Variants in ZPLD1 observed in about 807,000 individuals in gnomAD.
The protein encoded by ZPLD1 is zona pellucida-like domain-containing protein 1.
A neutral mutation model predicts 47.2 loss-of-function variants in ZPLD1; 34 were observed. The observed-to-expected ratio is 0.72, with a 90% CI of 0.55 to 0.96. The LOEUF is 0.96. ZPLD1 is among the 40% of genes least tolerant of loss of function. The probability of loss-of-function intolerance (pLI) is 0.00; values close to 1 mark genes in which losing one functional copy is unlikely to be tolerated. For synonymous variants in ZPLD1, 176 were observed against 186.2 expected (o/e 0.95, Z 0.45); for missense variants, 512 against 505.8 (o/e 1.01, Z -0.12).
chr3:102,386,435 T>C (rs920947372), intron 6 of ZPLD1, among the ~76,000 whole-genome samples: 1 of 152,174 alleles, frequency 6.6e-6, no homozygotes, highest in Admixed American at 6.5e-5. Context: ...TTTAATTCTT[T>C]CATCACAGGC....
At chr3:102,406,346 C>G (rs1409368840) in intron 7 of ZPLD1, among the ~76,000 whole-genome samples, 2 of 151,908 alleles carry the variant, frequency 1.3e-5, no homozygotes, top group Non-Finnish European at 2.9e-5. Context: ...ACAAGTTACC[C>G]TCATCTCAAC....
intron 4 of ZPLD1, among the ~76,000 whole-genome samples, chr3:102,455,890 G>A (rs1707405559): frequency 6.6e-6 from 1 of 152,182 alleles, no homozygotes; most frequent in South Asian, 2.1e-4. Flanking sequence ...AGCCATGCCA[G>A]AGAATTTTGG....
At chr3:102,413,845 T>C (rs1706773435) in intron 7 of ZPLD1, among the ~76,000 whole-genome samples, 1 of 151,734 alleles carries the variant, frequency 6.6e-6, no homozygotes, top group Admixed American at 6.6e-5. Context: ...CATATAAAAT[T>C]TGGGTGATTT....
At chr3:102,470,714 T>TCA (rs1301342867) in intron 10 of ZPLD1, among the ~76,000 whole-genome samples, 4 of 144,246 alleles carry the variant, frequency 2.8e-5, no homozygotes, top group African/African-American at 1.1e-4. Context: ...TTTCCTGTTT[T>TCA]CACACACACA....
rs564841443 is a variant in ZPLD1, at chr3:102,406,716, A to G, written c.-156-11344A>G. ...TTCAGAAGTTCTTAAAAAATGAATG[A>G]TTTTTATTCTAAACCACAGTTTAAA... On this transcript the variant is annotated intron_variant, in intron 7 of 17. Transcript: ENST00000491959. Among the ~76,000 whole-genome samples, 104 of 152,050 alleles carry G rather than the reference A, an allele frequency of 6.8e-4. 1 individual carries two copies. Among genetic ancestry groups the G allele is most frequent in the African/African-American group, 2.4e-3 (98 of 41,552 alleles).
In ZPLD1 at chr3:102,453,078, C is replaced by T. The variant is rs1486950001; in HGVS notation, c.266C>T (p.Pro89Leu). 6 of 1,613,918 alleles carry T rather than the reference C, an allele frequency of 3.7e-6. No homozygotes were observed. The highest frequency in any genetic ancestry group is 5.1e-6 in the Non-Finnish European group (6 of 1,179,986). The change falls in exon 4 of 12, where the codon CCA becomes CTA. Residue 89 changes from proline to leucine, a missense_variant. Pro to Leu is a moderately conservative substitution (Grantham distance 98, BLOSUM62 -3). Transcript: ENST00000466937. Reference sequence around the variant, plus strand: ...GGGTTCATCAATAACAACACCTTTCCAGCAGTGGTCATTTTTATCATCAAT... The same window carrying T: ...GGGTTCATCAATAACAACACCTTTCTAGCAGTGGTCATTTTTATCATCAAT... ...CRGFINNNTFPAVVIFIINLS... is the reference protein window; with the variant it reads ...CRGFINNNTFLAVVIFIINLS...
chr3:102,455,569 G>A (rs1187514114), intron 4 of ZPLD1, among the ~76,000 whole-genome samples: 1 of 152,138 alleles, frequency 6.6e-6, no homozygotes, highest in Non-Finnish European at 1.5e-5. Flanking sequence ...TCCTTTCTGG[G>A]GCCCAAAATG....
chr3:102,399,978 C>G (rs947888623), intron 7 of ZPLD1, among the ~76,000 whole-genome samples: 4 of 151,710 alleles, frequency 2.6e-5, no homozygotes, highest in African/African-American at 9.7e-5. Flanking sequence ...ACCACCATGC[C>G]CTGCTAATTT....
intron 7 of ZPLD1, among the ~76,000 whole-genome samples, chr3:102,414,786 A>T (rs1326822143): frequency 6.6e-6 from 1 of 151,866 alleles, no homozygotes; most frequent in East Asian, 1.9e-4. Context: ...AAACAAACAG[A>T]TGTTTAAGTA....
chr3:102,428,980 G>A (rs1413794884), intron 8 of ZPLD1, among the ~76,000 whole-genome samples: 1 of 151,976 alleles, frequency 6.6e-6, no homozygotes, highest in Non-Finnish European at 1.5e-5. Flanking sequence ...GCTTATATAT[G>A]CCTGGGCTTA....
At chr3:102,443,425 A>G (rs1707211055) in intron 3 of ZPLD1, among the ~76,000 whole-genome samples, 1 of 152,204 alleles carries the variant, frequency 6.6e-6, no homozygotes, top group African/African-American at 2.4e-5. Flanking sequence ...AAATATTGCA[A>G]ATCTGCAAAT....
At chr3:102,440,087 G>A (rs1269319006) in intron 3 of ZPLD1, among the ~76,000 whole-genome samples, 3 of 152,162 alleles carry the variant, frequency 2.0e-5, no homozygotes, top group African/African-American at 7.2e-5. Flanking sequence ...AGAAGTTTAA[G>A]TAAATTCAAG....
intron 4 of ZPLD1, among the ~76,000 whole-genome samples, chr3:102,454,379 G>A (rs1259531329): frequency 2.6e-5 from 4 of 152,154 alleles, no homozygotes; most frequent in Admixed American, 6.5e-5. Context: ...TGGAAGGAAA[G>A]AGCCTATGTG....
At chr3:102,447,732 G>A (rs1707280020) in intron 3 of ZPLD1, among the ~76,000 whole-genome samples, 6 of 152,128 alleles carry the variant, frequency 3.9e-5, no homozygotes, top group Admixed American at 3.3e-4. Context: ...AGTAAGGTCA[G>A]TATAAAATTG....
chr3:102,419,039 T>G (rs1336638936), intron 8 of ZPLD1, among the ~76,000 whole-genome samples: 2 of 152,022 alleles, frequency 1.3e-5, no homozygotes, highest in Non-Finnish European at 2.9e-5. Context: ...GTTTTCAGGG[T>G]TATGACATTA....
chr3:102,397,043 C>T (rs1706566091), intron 7 of ZPLD1, among the ~76,000 whole-genome samples: 1 of 152,024 alleles, frequency 6.6e-6, no homozygotes, highest in Non-Finnish European at 1.5e-5. Flanking sequence ...ACAATAAATT[C>T]TACTTAATAA....
At chr3:102,437,012 T>TCTTTTCTAGTGTCTTCCAAAGACTC in intron 2 of ZPLD1, 39 bp downstream of exon 2, 1 of 874,396 alleles carries the variant, frequency 1.1e-6, no homozygotes, top group South Asian at 5.2e-5. Context: ...CAGGCTTCTT[T>TCTTTTCTAGTGTCTTCCAAAGACTC]CTTTTCTAGT....
chr3:102,458,000 A>G, intron 6 of ZPLD1, 147 bp downstream of exon 6: 3 of 683,902 alleles, frequency 4.4e-6, no homozygotes, highest in Non-Finnish European at 4.8e-6. Flanking sequence ...TACCATTTTC[A>G]TATATCTTAG....
chr3:102,417,596 C>T (rs1482498835), intron 7 of ZPLD1, among the ~76,000 whole-genome samples: 5 of 151,934 alleles, frequency 3.3e-5, no homozygotes, highest in African/African-American at 9.7e-5. Context: ...CATTGTCAGC[C>T]TCTTAGTTAT....
Sources: allele counts gnomAD v4.1 joint callset (sites outside exome capture counted in the v4.1 genomes callset), GRCh38; gene constraint gnomAD v4.1.1; transcripts MANE v1.5; gene names NCBI Gene and HGNC (gene_info 2026-07-23, HGNC 2026-07-21).